ALK: variants seen among roughly 807,000 people sequenced by gnomAD.
The protein encoded by ALK is ALK tyrosine kinase receptor.
In ALK, 74 loss-of-function variants were observed where a neutral mutation model predicts 163.1. That is an observed-to-expected ratio of 0.45 (90% confidence interval 0.38 to 0.55). ALK has a LOEUF of 0.55. Among genes scored for constraint, ALK ranks in the 20% least tolerant of loss-of-function variants. ALK has a pLI of 0.00. For synonymous variants in ALK, 960 were observed against 843.2 expected (o/e 1.14, Z -2.40); for missense variants, 2,063 against 2,105.3 (o/e 0.98, Z 0.39).
chr2:29,479,904 C>T (rs1055363192), intron 4 of ALK, among the ~76,000 whole-genome samples: 35 of 152,324 alleles, frequency 2.3e-4, no homozygotes, highest in African/African-American at 6.5e-4. Context: ...AAATCTGGTA[C>T]AGGAAATCTT....
At chr2:29,405,321 G>A (rs1669557696) in intron 4 of ALK, among the ~76,000 whole-genome samples, 1 of 152,208 alleles carries the variant, frequency 6.6e-6, no homozygotes. Context: ...TACAACAGCA[G>A]CTGTCTGTGT....
intron 11 of ALK, among the ~76,000 whole-genome samples, chr2:29,254,130 C>G (rs1664895649): frequency 1.3e-5 from 2 of 152,192 alleles, no homozygotes; most frequent in African/African-American, 4.8e-5. Context: ...ATGTGAAGAA[C>G]ATGTTTGCTT....
chr2:29,299,242 A>G lies in ALK; in HGVS notation c.1648-2185T>C, dbSNP rs17007831. On this transcript the variant is annotated intron_variant, in intron 8 of 28. Coordinates refer to ENST00000389048, the MANE Select transcript of ALK (RefSeq NM_004304.5). ...CTTTCTCTCTTCCGAATTCTCTTGTATATTTCTATCACATTCTCCTGTTGA... is the reference window on the plus strand; with the variant it reads ...CTTTCTCTCTTCCGAATTCTCTTGTGTATTTCTATCACATTCTCCTGTTGA... Among the ~76,000 whole-genome samples the G allele has an allele frequency of 7.2e-3, 1,096 of 152,304 alleles. 17 individuals are homozygous for G. The highest frequency in any genetic ancestry group is 0.025 in the African/African-American group (1,038 of 41,556).
At chr2:29,603,832 T>G (rs1244418994) in intron 3 of ALK, among the ~76,000 whole-genome samples, 1 of 152,106 alleles carries the variant, frequency 6.6e-6, no homozygotes, top group Admixed American at 6.6e-5. Flanking sequence ...CCTGGGATAC[T>G]TCCTTTTCTA....
chr2:29,284,013 C>T (rs1290038449), intron 9 of ALK, among the ~76,000 whole-genome samples: 5 of 152,174 alleles, frequency 3.3e-5, no homozygotes, highest in Non-Finnish European at 1.5e-5. Flanking sequence ...TTGCTGAAGT[C>T]TCTTTTAGTT....
chr2:29,430,620 A>G (rs1670249545), intron 4 of ALK, among the ~76,000 whole-genome samples: 2 of 152,246 alleles, frequency 1.3e-5, no homozygotes, highest in Non-Finnish European at 2.9e-5. Flanking sequence ...AGCAACTCTT[A>G]AAAAACAGAA....
intron 1 of ALK, among the ~76,000 whole-genome samples, chr2:29,736,497 G>A (rs550271368): frequency 1.3e-5 from 2 of 151,674 alleles, no homozygotes; most frequent in South Asian, 2.1e-4. Flanking sequence ...TTATATTTTA[G>A]TACATTAAAA....
chr2:29,684,499 G>A (rs1244794542), intron 3 of ALK, among the ~76,000 whole-genome samples: 2 of 152,180 alleles, frequency 1.3e-5, no homozygotes, highest in African/African-American at 4.8e-5. Context: ...ATCTCTGTGT[G>A]GCCGGGATGG....
intron 4 of ALK, among the ~76,000 whole-genome samples, chr2:29,393,246 C>T (rs771034380): frequency 1.6e-4 from 24 of 152,156 alleles, no homozygotes; most frequent in African/African-American, 5.3e-4. Context: ...CTTGGAAGGG[C>T]CTCAGAAGCA....
At chr2:29,332,668 T>C (rs1282659373) in intron 5 of ALK, among the ~76,000 whole-genome samples, 1 of 152,370 alleles carries the variant, frequency 6.6e-6, no homozygotes, top group South Asian at 2.1e-4. Flanking sequence ...TAATTTAGGT[T>C]GTATCACAAG....
chr2:29,206,387 C>T (rs1669310897), intron 26 of ALK, among the ~76,000 whole-genome samples: 1 of 151,818 alleles, frequency 6.6e-6, no homozygotes, highest in Non-Finnish European at 1.5e-5. Context: ...ACCTCCCATC[C>T]AAGCTTCCAG....
chr2:29,493,887 A>G (rs1671961193), intron 4 of ALK, among the ~76,000 whole-genome samples: 1 of 152,222 alleles, frequency 6.6e-6, no homozygotes, highest in African/African-American at 2.4e-5. Context: ...TGTCAGGATG[A>G]AACGGCCTCA....
intron 2 of ALK, among the ~76,000 whole-genome samples, chr2:29,712,177 T>C (rs1025568533): frequency 6.6e-6 from 1 of 152,160 alleles, no homozygotes; most frequent in African/African-American, 2.4e-5. Context: ...GCCCTCCAGG[T>C]GATAGGTGGT....
intron 3 of ALK, among the ~76,000 whole-genome samples, chr2:29,571,329 T>C (rs1041174748): frequency 6.6e-6 from 1 of 152,148 alleles, no homozygotes; most frequent in African/African-American, 2.4e-5. Flanking sequence ...TCCCCACATG[T>C]CGAGGGAGGG....
At chr2:29,879,640 C>T (rs531278284) in intron 1 of ALK, among the ~76,000 whole-genome samples, 1 of 152,314 alleles carries the variant, frequency 6.6e-6, no homozygotes, top group South Asian at 2.1e-4. Context: ...TTCAGCTTGA[C>T]TCAAACAATG....
intron 11 of ALK, among the ~76,000 whole-genome samples, chr2:29,266,092 A>G (rs1665213772): frequency 6.6e-6 from 1 of 152,260 alleles, no homozygotes; most frequent in South Asian, 2.1e-4. Flanking sequence ...CAAGGTTTTG[A>G]CGCATCCATT....
At chr2:29,866,856 T>C (rs1386922177) in intron 1 of ALK, among the ~76,000 whole-genome samples, 1 of 152,212 alleles carries the variant, frequency 6.6e-6, no homozygotes, top group Non-Finnish European at 1.5e-5. Flanking sequence ...GCAAGGCTCC[T>C]GGGCCTCTCG....
At chr2:29,279,399 C>G (rs1326203174) in intron 9 of ALK, among the ~76,000 whole-genome samples, 1 of 152,156 alleles carries the variant, frequency 6.6e-6, no homozygotes, top group Admixed American at 6.5e-5. Context: ...ATGGCTCCAG[C>G]CCCCAGAGGC....
At chr2:29,209,914 C>T in intron 24 of ALK, 36 bp from the exon 25 acceptor site, 2 of 1,556,874 alleles carry the variant, frequency 1.3e-6, no homozygotes, top group South Asian at 1.1e-5. Flanking sequence ...TAATTTTATC[C>T]CTAGGAAGAT....
Sources: gnomAD v4.1 joint callset for allele counts (sites outside exome capture counted in the v4.1 genomes callset) on GRCh38, gnomAD v4.1.1 for gene constraint, MANE v1.5 for transcripts, NCBI Gene and HGNC (gene_info 2026-07-23, HGNC 2026-07-21) for gene names.